The following NELL1 variants were observed in gnomAD, a reference collection of about 807,000 sequenced individuals.
NELL1 encodes the protein neural EGFL like 1, also known as protein kinase C-binding protein NELL1.
A neutral mutation model predicts 107.4 loss-of-function variants in NELL1; 76 were observed. The observed-to-expected ratio is 0.71, with a 90% CI of 0.59 to 0.86. NELL1 has a LOEUF of 0.86. NELL1 is among the 40% of genes least tolerant of loss of function. The pLI, the probability that NELL1 is intolerant of heterozygous loss-of-function variation, is 0.00. For synonymous variants in NELL1, 353 were observed against 341.2 expected (o/e 1.03, Z -0.38); for missense variants, 1,024 against 1,005.5 (o/e 1.02, Z -0.25).
At chr11:21,510,079 G>T (rs1855394919) in intron 15 of NELL1, among the ~76,000 whole-genome samples, 1 of 152,292 alleles carries the variant, frequency 6.6e-6, no homozygotes, top group African/African-American at 2.4e-5. Flanking sequence ...AACATCTTCG[G>T]CACTTGAGTT....
At chr11:21,567,055 C>G (rs1175864038) in intron 17 of NELL1, among the ~76,000 whole-genome samples, 3 of 151,728 alleles carry the variant, frequency 2.0e-5, no homozygotes, top group African/African-American at 4.8e-5. Context: ...AGTCTCATAG[C>G]CTGTTGTGCA....
intron 15 of NELL1, among the ~76,000 whole-genome samples, chr11:21,498,011 T>C (rs557110265): frequency 3.9e-5 from 6 of 151,974 alleles, no homozygotes; most frequent in Non-Finnish European, 8.8e-5. Flanking sequence ...TTTGGCTCTT[T>C]ATTTTCAATT....
intron 13 of NELL1, among the ~76,000 whole-genome samples, chr11:21,203,652 G>A (rs1322380872): frequency 6.6e-6 from 1 of 152,018 alleles, no homozygotes; most frequent in Non-Finnish European, 1.5e-5. Context: ...TGATCCTGTT[G>A]TTATGATGCT....
intron 14 of NELL1, among the ~76,000 whole-genome samples, chr11:21,311,285 T>C (rs1849744378): frequency 6.6e-6 from 1 of 152,134 alleles, no homozygotes; most frequent in African/African-American, 2.4e-5. Flanking sequence ...GGAATATATG[T>C]CTTTAAGGCG....
Position 21,573,328 on chromosome 11 carries a change from C to T in NELL1, c.2301C>T (p.Cys767=), listed in dbSNP as rs1394414356. The T allele has an allele frequency of 1.9e-6, 3 of 1,612,458 alleles. No homozygotes were observed. Among genetic ancestry groups the T allele is most frequent in the Non-Finnish European group, 2.5e-6 (3 of 1,178,996 alleles). ...DNITYDIRKT[C]LDSYGVSRLS... is the part of the protein sequence containing the mutation. ...TCACCTATGACATCAGAAAAACTTG[C>T]CTGGACAGCTATGGTGTTTCACGGC... Residue 767 remains cysteine, a synonymous_variant, in exon 19 of 20, where the codon TGC becomes TGT. Coordinates refer to ENST00000357134, the MANE Select transcript of NELL1 (RefSeq NM_006157.5).
At chr11:21,368,781 T>G (rs1201865631) in intron 14 of NELL1, among the ~76,000 whole-genome samples, 1 of 152,096 alleles carries the variant, frequency 6.6e-6, no homozygotes, top group Non-Finnish European at 1.5e-5. Flanking sequence ...ATTAGACAAT[T>G]TGTTCCTGGT....
At chr11:20,765,520 T>C (rs2133962380) in intron 2 of NELL1, among the ~76,000 whole-genome samples, 1 of 152,308 alleles carries the variant, frequency 6.6e-6, no homozygotes, top group Non-Finnish European at 1.5e-5. Context: ...AGCTGGGGGC[T>C]GGGGTCTAGG....
At chr11:21,337,814 TTCC>T (rs1315471406) in intron 14 of NELL1, among the ~76,000 whole-genome samples, 4 of 40,458 alleles carry the variant, frequency 9.9e-5, no homozygotes, top group Non-Finnish European at 2.0e-4. Flanking sequence ...CTTTCTTGCT[TTCC>T]TTCTTTCTTT....
At chr11:21,409,677 G>A (rs1300060090) in intron 15 of NELL1, among the ~76,000 whole-genome samples, 20 of 151,930 alleles carry the variant, frequency 1.3e-4, no homozygotes, top group South Asian at 2.1e-4. Flanking sequence ...CTGTTTTAAC[G>A]TGAGTATAGA....
At chr11:21,147,803 C>A (rs1182913630) in intron 13 of NELL1, among the ~76,000 whole-genome samples, 1 of 137,022 alleles carries the variant, frequency 7.3e-6, no homozygotes, top group Non-Finnish European at 1.5e-5. Flanking sequence ...ACCATTGCAC[C>A]CCAGCCTGGG....
At chr11:21,368,266 G>A (rs1257793916) in intron 14 of NELL1, among the ~76,000 whole-genome samples, 2 of 151,566 alleles carry the variant, frequency 1.3e-5, no homozygotes, top group Admixed American at 6.6e-5. Context: ...ACTAGTCTCA[G>A]GCAAAAATAG....
chr11:21,536,266 C>T (rs1856135273), intron 16 of NELL1, among the ~76,000 whole-genome samples: 1 of 152,100 alleles, frequency 6.6e-6, no homozygotes, highest in Non-Finnish European at 1.5e-5. Context: ...CCCTTTCTTC[C>T]CTCCTCAGGC....
intron 12 of NELL1, among the ~76,000 whole-genome samples, chr11:21,079,418 T>A (rs1217575258): frequency 2.6e-5 from 4 of 152,050 alleles, no homozygotes; most frequent in African/African-American, 4.8e-5. Context: ...TCAAAATTTG[T>A]ACCCTATAGA....
chr11:21,444,816 C>T (rs1246186049), intron 15 of NELL1, among the ~76,000 whole-genome samples: 2 of 152,040 alleles, frequency 1.3e-5, no homozygotes, highest in African/African-American at 2.4e-5. Context: ...AGTACTAGCT[C>T]TTATTTGTTC....
At chr11:20,843,273 A>G (rs1237852893) in intron 3 of NELL1, among the ~76,000 whole-genome samples, 3 of 152,120 alleles carry the variant, frequency 2.0e-5, no homozygotes, top group African/African-American at 7.2e-5. Flanking sequence ...CTAGGAAGCA[A>G]TGGTTTGTTC....
At chr11:21,382,233 A>T (rs545256315) in intron 15 of NELL1, among the ~76,000 whole-genome samples, 45 of 151,902 alleles carry the variant, frequency 3.0e-4, no homozygotes, top group Non-Finnish European at 5.7e-4. Flanking sequence ...GTAAAATGGG[A>T]GTAATCATCC....
At chr11:21,269,730 T>G (rs1487542939) in intron 14 of NELL1, among the ~76,000 whole-genome samples, 1 of 152,180 alleles carries the variant, frequency 6.6e-6, no homozygotes, top group East Asian at 1.9e-4. Flanking sequence ...AAATCATGGA[T>G]CTACATAAAG....
intron 3 of NELL1, among the ~76,000 whole-genome samples, chr11:20,838,803 A>G (rs960996027): frequency 4.6e-5 from 7 of 152,136 alleles, no homozygotes; most frequent in Non-Finnish European, 1.0e-4. Flanking sequence ...CATTAGTACA[A>G]TTACCATTAC....
intron 12 of NELL1, among the ~76,000 whole-genome samples, chr11:21,090,801 G>A (rs529581170): frequency 1.3e-5 from 2 of 152,290 alleles, no homozygotes; most frequent in South Asian, 4.2e-4. Context: ...GCTTTACCCA[G>A]ATATAGGACA....
Sources: allele counts gnomAD v4.1 joint callset (sites outside exome capture counted in the v4.1 genomes callset), GRCh38; gene constraint gnomAD v4.1.1; transcripts MANE v1.5; gene names NCBI Gene and HGNC (gene_info 2026-07-23, HGNC 2026-07-21).